The following GUCY2F variants were observed in gnomAD, a reference collection of about 807,000 sequenced individuals.
GUCY2F encodes guanylate cyclase 2F, retinal, also known as retinal guanylyl cyclase 2.
A neutral mutation model predicts 73.1 loss-of-function variants in GUCY2F; 61 were observed. The ratio of observed to expected loss-of-function variants is 0.83; its 90% CI spans 0.68 to 1.03. GUCY2F has a LOEUF of 1.03. GUCY2F is among the 50% of genes least tolerant of loss of function. GUCY2F has a pLI of 0.00. For synonymous variants in GUCY2F, 331 were observed against 307.8 expected, an observed-to-expected ratio of 1.08 and a Z score of -0.79; for missense variants, 912 against 854.3, an observed-to-expected ratio of 1.07 and a Z score of -0.84.
chrX:109,459,745 A>C (rs777293230), intron 3 of GUCY2F, among the ~76,000 whole-genome samples: 1 of 111,973 alleles, frequency 8.9e-6, no homozygotes, highest in African/African-American at 3.2e-5. Context: ...TGACCAAAAG[A>C]AGCAAACAAA....
chrX:109,447,567 T>C (rs890234737), intron 6 of GUCY2F, among the ~76,000 whole-genome samples: 1 of 95,388 alleles, frequency 1.0e-5, no homozygotes, highest in African/African-American at 4.0e-5. Context: ...TAGGTGGGAA[T>C]TGAACAGTGA....
At chrX:109,475,055 T>A (rs1263221255) in intron 2 of GUCY2F, 152 bp downstream of exon 2, 1 of 504,091 alleles carries the variant, frequency 2.0e-6, no homozygotes, top group Non-Finnish European at 3.3e-6. Flanking sequence ...AGCAGGGCAG[T>A]CTTGGGACCT....
chrX:109,420,866 G>T (rs190334005), intron 8 of GUCY2F, among the ~76,000 whole-genome samples: 1 of 111,792 alleles, frequency 8.9e-6, no homozygotes, highest in East Asian at 2.8e-4. Context: ...TGTCAAAACT[G>T]ATTTGGAGAA....
chrX:109,414,153 G>A (rs1471331621), intron 8 of GUCY2F, among the ~76,000 whole-genome samples: 1 of 110,502 alleles, frequency 9.0e-6, no homozygotes, highest in African/African-American at 3.3e-5. Flanking sequence ...TGTATTTTTA[G>A]TAGAGACAGG....
intron 10 of GUCY2F, among the ~76,000 whole-genome samples, chrX:109,402,367 A>G (rs1419099241): frequency 2.9e-5 from 3 of 104,458 alleles, no homozygotes; most frequent in Non-Finnish European, 5.7e-5. Context: ...CTGAGAAGCT[A>G]GGCGTTTTGT....
intron 12 of GUCY2F, among the ~76,000 whole-genome samples, 186 bp downstream of exon 12, chrX:109,395,155 A>G (rs1276582935): frequency 5.4e-5 from 6 of 111,750 alleles, no homozygotes; most frequent in African/African-American, 2.0e-4. Context: ...CTCTTGAAGG[A>G]TGTGCTGATG....
intron 10 of GUCY2F, among the ~76,000 whole-genome samples, chrX:109,403,550 C>CT (rs1031545742): frequency 7.2e-5 from 8 of 111,759 alleles, no homozygotes; most frequent in Admixed American, 5.7e-4. Context: ...TGTCATGACT[C>CT]TAAGACGAGT....
chrX:109,391,808 T>A (rs746783636), intron 14 of GUCY2F, 103 bp downstream of exon 14: 27 of 463,441 alleles, frequency 5.8e-5, no homozygotes, highest in South Asian at 2.0e-4. Context: ...TATTCCTAAA[T>A]AACAATATTC....
intron 8 of GUCY2F, among the ~76,000 whole-genome samples, chrX:109,424,994 T>C (rs893242377): frequency 9.0e-6 from 1 of 111,261 alleles, no homozygotes; most frequent in Non-Finnish European, 1.9e-5. Context: ...CTCGAACTCC[T>C]GACCTCAGGT....
intron 8 of GUCY2F, among the ~76,000 whole-genome samples, chrX:109,428,593 A>T (rs1931540503): frequency 8.9e-6 from 1 of 112,089 alleles, no homozygotes; most frequent in Non-Finnish European, 1.9e-5. Flanking sequence ...GACCTGTGGG[A>T]ATATTAGCTG....
rs760154216 is a variant in GUCY2F, at chrX:109,388,517, C to T, written c.2928G>A (p.Pro976=). ...TFKMRHMPEV[P]VRIRIGLHSG... ...AGTGAAGGCCAATTCGAATTCGGAC[C>T]GGCACTTCTGGCATGTGCCGCATCT... Residue 976 remains proline, a synonymous_variant, in exon 15 of 20, where the codon CCG becomes CCA. Transcript: ENST00000218006. The T allele has an allele frequency of 6.3e-5, 76 of 1,204,849 alleles. No individual in the cohort carries two copies. In the African/African-American group the frequency reaches 7.4e-4, roughly 12 times the overall value.
chrX:109,468,599 C>A (rs1215459742), intron 2 of GUCY2F, among the ~76,000 whole-genome samples: 1 of 111,753 alleles, frequency 8.9e-6, no homozygotes, highest in Non-Finnish European at 1.9e-5. Context: ...AACCCTAAAT[C>A]TCTCCTCTTT....
At chrX:109,411,088 C>T (rs1931097476) in intron 8 of GUCY2F, among the ~76,000 whole-genome samples, 1 of 109,364 alleles carries the variant, frequency 9.1e-6, no homozygotes. Flanking sequence ...ATGATCACTC[C>T]CAGATTTCTA....
chrX:109,387,001 T>C (rs1930452012), intron 15 of GUCY2F, among the ~76,000 whole-genome samples: 1 of 111,469 alleles, frequency 9.0e-6, no homozygotes, highest in Non-Finnish European at 1.9e-5. Context: ...GATACAAACA[T>C]GAGTAAGATA....
At chrX:109,472,973 C>T (rs1293174947) in intron 2 of GUCY2F, among the ~76,000 whole-genome samples, 1 of 111,258 alleles carries the variant, frequency 9.0e-6, no homozygotes, top group East Asian at 2.8e-4. Context: ...ATGGGTATTA[C>T]ACACTCCTTT....
Position 109,392,915 on chromosome X carries a change from C to A in GUCY2F, c.2565G>T (p.Lys855Asn), listed in dbSNP as rs375290870. Residue 855 changes from lysine (K) to asparagine (N), a missense_variant, in exon 13 of 20, where the codon AAG becomes AAT. Physicochemically the swap from Lys to Asn is moderately conservative, Grantham distance 94 (BLOSUM62 0). Coordinates refer to ENST00000218006, the MANE Select transcript of GUCY2F (RefSeq NM_001522.3). ...ACGGTGGTAGCATCTGTGTTAGAAG[C>A]TTTTCCGTTTTCTGTTTTTCAATTT... is the stretch of plus-strand genomic sequence containing the variant. The part of the protein sequence containing the change: ...ELEIEKQKTE[K>N]LLTQMLPPSV... 1.7e-6 allele frequency: 2 copies of A among 1,192,539 alleles called. No homozygotes were observed. Among genetic ancestry groups the A allele is most frequent in the South Asian group, 1.8e-5 (1 of 56,400 alleles).
chrX:109,384,666 C>A (rs1479897564), intron 16 of GUCY2F, among the ~76,000 whole-genome samples: 1 of 111,811 alleles, frequency 8.9e-6, no homozygotes, highest in Non-Finnish European at 1.9e-5. Flanking sequence ...GGGATTATTG[C>A]TAGCTAAATT....
chrX:109,433,154 G>GC (rs1354616809), intron 7 of GUCY2F, among the ~76,000 whole-genome samples: 3 of 111,888 alleles, frequency 2.7e-5, no homozygotes, highest in African/African-American at 9.8e-5. Context: ...ATCAGTACTC[G>GC]CAGTCCTGAC....
At position 109,430,350 on chromosome X, in the gene GUCY2F, T is replaced by A. The variant is rs1203507339; in HGVS notation, c.1748A>T (p.Asp583Val). 1.1e-5 allele frequency: 12 copies of A among 1,136,611 alleles called. No homozygotes were observed. Among genetic ancestry groups the A allele is most frequent in the Non-Finnish European group, 1.5e-5 (12 of 827,233 alleles). The allele number at this position is 1,136,611 out of a possible 1,213,427, so 93.7% of individuals were successfully genotyped here. A position where few individuals can be genotyped will look rare whatever the true frequency, so the allele number is the denominator to read the frequency against. ...TGCTCTTGATTTGATGGACTTAAGGTCTCCAAAATCTCCAAGGGAGAACTT... is the reference window on the plus strand; with the variant it reads ...TGCTCTTGATTTGATGGACTTAAGGACTCCAAAATCTCCAAGGGAGAACTT... ...LKKFSLGDFGDLKSIKSRASD... is the reference protein window; with the variant it reads ...LKKFSLGDFGVLKSIKSRASD... The change falls in exon 8 of 20, where the codon GAC becomes GTC. Residue 583 changes from aspartate to valine, a missense_variant. Coordinates refer to ENST00000218006, the MANE Select transcript of GUCY2F (RefSeq NM_001522.3).
Sources: gnomAD v4.1 joint callset for allele counts (sites outside exome capture counted in the v4.1 genomes callset) on GRCh38, gnomAD v4.1.1 for gene constraint, MANE v1.5 for transcripts, NCBI Gene and HGNC (gene_info 2026-07-23, HGNC 2026-07-21) for gene names.